DHRS2: variants seen among roughly 807,000 people sequenced by gnomAD.
DHRS2 encodes dehydrogenase/reductase SDR family member 2, mitochondrial.
Under a neutral mutation model 26.3 loss-of-function variants are expected in DHRS2, and 29 were observed. That is an observed-to-expected ratio of 1.10 (90% CI 0.82 to 1.50). The LOEUF (loss-of-function observed/expected upper bound fraction) is 1.50. DHRS2 is among the 40% of genes most tolerant of loss of function. The probability of loss-of-function intolerance (pLI) is 0.00; values close to 1 mark genes in which losing one functional copy is unlikely to be tolerated. For missense variants in DHRS2, 439 were observed against 367.1 expected (o/e 1.20, Z -1.60); for synonymous variants, 164 against 151.3 (o/e 1.08, Z -0.62).
At chr14:23,639,682 T>A in intron 3 of DHRS2, 112 bp from the exon 4 acceptor site, 1 of 1,223,386 alleles carries the variant, frequency 8.2e-7, no homozygotes, top group Non-Finnish European at 1.1e-6. Context: ...CCTAGGTCAT[T>A]TTCCTTTAGG....
chr14:23,634,574 T>A (rs978497529), upstream of DHRS2, among the ~76,000 whole-genome samples: 6 of 152,210 alleles, frequency 3.9e-5, no homozygotes, highest in African/African-American at 1.2e-4. Flanking sequence ...CTTCTTTTAC[T>A]CAACAGTATA....
upstream of DHRS2, among the ~76,000 whole-genome samples, chr14:23,634,153 C>T (rs544465851): frequency 4.0e-4 from 59 of 147,008 alleles, no homozygotes; most frequent in South Asian, 6.3e-3. Context: ...CTGCAACCTC[C>T]AACTCCTGGG....
At chr14:23,644,234 TACAG>T (rs1177608736) in intron 6 of DHRS2, 72 bp downstream of exon 6, 4 of 1,587,300 alleles carry the variant, frequency 2.5e-6, no homozygotes, top group East Asian at 2.2e-5. Flanking sequence ...CTCAGAGCCT[TACAG>T]ACAAAGTGCC....
chr14:23,633,239 T>C (rs531220776), upstream of DHRS2, among the ~76,000 whole-genome samples: 5 of 152,312 alleles, frequency 3.3e-5, no homozygotes, highest in Admixed American at 3.3e-4. Flanking sequence ...CTGAAGGGCC[T>C]CCTGAGGGCA....
intron 4 of DHRS2, chr14:23,640,508 C>T (rs936096785): frequency 2.2e-6 from 2 of 908,874 alleles, no homozygotes; most frequent in Admixed American, 6.2e-5. Flanking sequence ...TGAAGCTCAT[C>T]TTGGGCCTAG....
intron 1 of DHRS2, chr14:23,638,376 A>G (rs1014994181): frequency 2.1e-5 from 4 of 188,132 alleles, no homozygotes; most frequent in Non-Finnish European, 1.1e-5. Context: ...CGAGACCAAG[A>G]ACCCACCAAT....
intron 1 of DHRS2, 91 bp downstream of exon 1, chr14:23,636,863 A>G (rs1233473118): frequency 6.6e-6 from 1 of 152,226 alleles, no homozygotes; most frequent in Non-Finnish European, 1.5e-5. Context: ...TCGGCCAGTT[A>G]AAAGTGACTA....
At chr14:23,642,962 C>A in intron 4 of DHRS2, 190 bp from the exon 5 acceptor site, 1 of 595,824 alleles carries the variant, frequency 1.7e-6, no homozygotes, top group Non-Finnish European at 3.0e-6. Context: ...TGTGACTTAG[C>A]CTGCCTGCCT....
upstream of DHRS2, among the ~76,000 whole-genome samples, chr14:23,632,791 C>A (rs1157187546): frequency 1.3e-5 from 2 of 152,154 alleles, no homozygotes; most frequent in Non-Finnish European, 2.9e-5. Flanking sequence ...CAGAGTCATC[C>A]CAGGCCAGAG....
At chr14:23,637,274 T>G (rs1890358201) in intron 1 of DHRS2, among the ~76,000 whole-genome samples, 1 of 152,214 alleles carries the variant, frequency 6.6e-6, no homozygotes, top group South Asian at 2.1e-4. Context: ...AAGAATGATT[T>G]CTAGTAAAAA....
upstream of DHRS2, among the ~76,000 whole-genome samples, chr14:23,635,733 G>C (rs901594938): frequency 7.4e-4 from 112 of 152,364 alleles, no homozygotes; most frequent in African/African-American, 2.6e-3. Context: ...CCACTGCACT[G>C]TGGGGGCCCC....
intron 4 of DHRS2, chr14:23,641,898 A>C: frequency 1.7e-6 from 2 of 1,210,958 alleles, no homozygotes; most frequent in Non-Finnish European, 2.1e-6. Flanking sequence ...TGCAGGATGC[A>C]GCTGACCTGA....
At chr14:23,639,139 G>A (rs750429816) in intron 2 of DHRS2, 40 bp from the exon 3 acceptor site, 6 of 1,605,964 alleles carry the variant, frequency 3.7e-6, no homozygotes, top group Non-Finnish European at 5.1e-6. Context: ...ACAGTGGAGA[G>A]AGGCTGAGGC....
At chr14:23,645,071 G>C (rs751979250) in intron 8 of DHRS2, 71 bp from the exon 9 acceptor site, 16 of 1,605,550 alleles carry the variant, frequency 1.0e-5, no homozygotes, top group African/African-American at 2.7e-5. Flanking sequence ...ACTCCCACCT[G>C]TCATCCGTGA....
upstream of DHRS2, among the ~76,000 whole-genome samples, chr14:23,634,693 C>T (rs137928984): frequency 6.2e-4 from 94 of 152,106 alleles, no homozygotes; most frequent in African/African-American, 2.1e-3. Flanking sequence ...TCCATTCCAC[C>T]GTTAATAGGC....
chr14:23,635,959 C>T (rs2138363272), upstream of DHRS2, among the ~76,000 whole-genome samples: 1 of 152,358 alleles, frequency 6.6e-6, no homozygotes, highest in South Asian at 2.1e-4. Flanking sequence ...CAGTGTGTGC[C>T]ATTGAGAGGT....
chr14:23,644,929 G>A (rs1566705392), intron 8 of DHRS2, 47 bp downstream of exon 8: 1 of 1,603,786 alleles, frequency 6.2e-7, no homozygotes, highest in Admixed American at 1.7e-5. Flanking sequence ...GCTAGGCAGG[G>A]GCAGTTGAGT....
At chr14:23,639,387 GA>G (rs1340303440) in intron 3 of DHRS2, 31 bp downstream of exon 3, 6 of 1,544,926 alleles carry the variant, frequency 3.9e-6, no homozygotes, top group Non-Finnish European at 5.2e-6. Flanking sequence ...AGGACACAGA[GA>G]GGGGAACATG....
At chr14:23,633,726 A>AT (rs1890183872), upstream of DHRS2, among the ~76,000 whole-genome samples, 1 of 152,160 alleles carries the variant, frequency 6.6e-6, no homozygotes, top group Non-Finnish European at 1.5e-5. Flanking sequence ...TGTGAACTGA[A>AT]TGTTTAAAAT....
Sources: allele counts gnomAD v4.1 joint callset (sites outside exome capture counted in the v4.1 genomes callset), GRCh38; gene constraint gnomAD v4.1.1; transcripts MANE v1.5; gene names NCBI Gene and HGNC (gene_info 2026-07-23, HGNC 2026-07-21).